Variants in VGLL1 observed in about 807,000 individuals in gnomAD.
VGLL1 encodes the protein vestigial like family member 1, also known as transcription cofactor vestigial-like protein 1.
A neutral mutation model predicts 12.0 loss-of-function variants in VGLL1; 4 were observed. The ratio of observed to expected loss-of-function variants is 0.33; its 90% CI spans 0.16 to 0.76. The LOEUF (loss-of-function observed/expected upper bound fraction) is 0.76, where lower values mean the gene tolerates loss of function less well. Among genes scored for constraint, VGLL1 ranks in the 30% least tolerant of loss-of-function variants. The probability of loss-of-function intolerance (pLI) is 0.60; values close to 1 mark genes in which losing one functional copy is unlikely to be tolerated. For synonymous variants in VGLL1, 87 were observed against 81.2 expected (o/e 1.07, Z -0.39); for missense variants, 204 against 208.7 (o/e 0.98, Z 0.14).
intron 2 of VGLL1, among the ~76,000 whole-genome samples, chrX:136,539,155 G>C (rs2075848896): frequency 9.0e-6 from 1 of 111,704 alleles, no homozygotes; most frequent in Non-Finnish European, 1.9e-5. Context: ...GAACACATTG[G>C]CTTGGATTCA....
chrX:136,541,830 G>T (rs924064142), intron 2 of VGLL1, among the ~76,000 whole-genome samples: 4 of 112,474 alleles, frequency 3.6e-5, no homozygotes, highest in African/African-American at 1.3e-4. Flanking sequence ...TCCCCAATCA[G>T]TGTTGTGTTT....
chrX:136,552,621 T>A (rs1237872216), intron 4 of VGLL1, among the ~76,000 whole-genome samples: 1 of 112,130 alleles, frequency 8.9e-6, no homozygotes, highest in Admixed American at 9.4e-5. Flanking sequence ...TGTGAATATG[T>A]CCTAGGTGCT....
intron 2 of VGLL1, among the ~76,000 whole-genome samples, chrX:136,537,140 C>G (rs2075842003): frequency 8.9e-6 from 1 of 111,791 alleles, no homozygotes; most frequent in African/African-American, 3.3e-5. Flanking sequence ...GAGGCCAAGG[C>G]AAGAGGATCA....
chrX:136,535,842 A>G (rs1423509653), intron 1 of VGLL1, among the ~76,000 whole-genome samples, 154 bp from the exon 2 acceptor site: 2 of 111,212 alleles, frequency 1.8e-5, no homozygotes, highest in Non-Finnish European at 3.8e-5. Context: ...CAGCATCGTC[A>G]TTGACCTTTA....
intron 4 of VGLL1, chrX:136,551,026 C>A: frequency 2.9e-6 from 1 of 344,025 alleles, no homozygotes. Flanking sequence ...ATATGCACTT[C>A]CTATCTTGTA....
intron 2 of VGLL1, among the ~76,000 whole-genome samples, chrX:136,546,343 C>T (rs1016046994): frequency 9.0e-6 from 1 of 111,643 alleles, no homozygotes; most frequent in African/African-American, 3.3e-5. Context: ...GAGAGGCCCA[C>T]TCAAATCCAG....
At chrX:136,551,066 C>T in intron 4 of VGLL1, 1 of 311,640 alleles carries the variant, frequency 3.2e-6, no homozygotes, top group Non-Finnish European at 5.6e-6. Context: ...AAGAAACTCT[C>T]CTTAGTTTCT....
rs1378670308 is a variant in VGLL1, at chrX:136,532,269, G to T, written c.-53G>T. 1 of 112,015 alleles carries T rather than the reference G, an allele frequency of 8.9e-6. No homozygotes were observed. Among genetic ancestry groups the T allele is most frequent in the Non-Finnish European group, 1.9e-5 (1 of 53,212 alleles). 9.2% of individuals were successfully genotyped at this position (112,015 alleles called of 1,213,427 possible). On this transcript the variant is annotated 5_prime_UTR_variant, in exon 1 of 5. Transcript: ENST00000370634. Reference sequence around the variant, plus strand: ...CTCTGGCCATCTTTTCCCAGCCACAGAATCAGGTGATGGTCCAGAATTAAG... The same window carrying T: ...CTCTGGCCATCTTTTCCCAGCCACATAATCAGGTGATGGTCCAGAATTAAG...
At chrX:136,553,360 G>C (rs2075892243) in intron 4 of VGLL1, among the ~76,000 whole-genome samples, 1 of 100,739 alleles carries the variant, frequency 9.9e-6, no homozygotes, top group African/African-American at 3.7e-5. Flanking sequence ...GCCCAGGCTG[G>C]AGTGCAATGG....
At chrX:136,540,195 A>C (rs1173842979) in intron 2 of VGLL1, among the ~76,000 whole-genome samples, 1 of 110,510 alleles carries the variant, frequency 9.0e-6, no homozygotes, top group Non-Finnish European at 1.9e-5. Context: ...ACACACTAGC[A>C]CTCTTTTGTT....
At position 136,556,476 on chromosome X, in the gene VGLL1, G is replaced by A; in HGVS notation, c.714G>A (p.Gly238=). ...CTCTTTCAGAGTTAGAGACACCTGG[G>A]AAATACTCACTTACACCACCAAACC... ...NETLSELETP[G]KYSLTPPNHW... is the part of the protein sequence containing the mutation. Residue 238 remains glycine (G), a synonymous_variant, in exon 5 of 5, where the codon GGG becomes GGA. Transcript: ENST00000370634. The A allele has an allele frequency of 8.3e-7, 1 of 1,210,933 alleles. No individual in the cohort carries two copies.
intron 2 of VGLL1, among the ~76,000 whole-genome samples, 164 bp from the exon 3 acceptor site, chrX:136,548,425 G>A (rs888525299): frequency 5.1e-4 from 57 of 111,140 alleles, no homozygotes; most frequent in Admixed American, 2.7e-3. Context: ...GTACACCTAC[G>A]GAGGACAATG....
At position 136,556,446 on chromosome X, in the gene VGLL1, T is replaced by C. The variant is rs769168051; in HGVS notation, c.689-5T>C. 24 of 1,208,233 alleles carry C rather than the reference T, an allele frequency of 2.0e-5. No homozygotes were observed. In the South Asian group the frequency reaches 4.1e-4, roughly 20 times the overall value. The stretch of plus-strand genomic sequence containing the variant: ...CTTTCATTAACCATGTAACTTCTCC[T>C]TTAGCTCTTTCAGAGTTAGAGACAC... On this transcript the variant is annotated splice_polypyrimidine_tract_variant and splice_region_variant and intron_variant, in intron 4 of 4. Transcript: ENST00000370634.
At chrX:136,534,714 T>C (rs952109147) in intron 1 of VGLL1, among the ~76,000 whole-genome samples, 2 of 112,147 alleles carry the variant, frequency 1.8e-5, no homozygotes, top group African/African-American at 3.2e-5. Flanking sequence ...TGTTTAACTT[T>C]ATAAGAAATT....
In VGLL1 at chrX:136,550,818, G is replaced by C; in HGVS notation, c.685G>C (p.Glu229Gln). The stretch of plus-strand genomic sequence containing the variant: ...ATCTGCCAGTACCAGCCTTCCAAAT[G>C]AAAGTAGGTATCTGGGCCAGCCTTT... ...RGSASTSLPN[E>Q]TLSELETPGK... The change falls in exon 4 of 5, where the codon GAA (glutamate) becomes CAA (glutamine). Residue 229 changes from glutamate (E) to glutamine (Q), a missense_variant. Glu to Gln is a conservative substitution (Grantham distance 29). Transcript: ENST00000370634. 2 of 1,207,057 alleles carry C rather than the reference G, an allele frequency of 1.7e-6. No individual in the cohort carries two copies. Among genetic ancestry groups the C allele is most frequent in the Non-Finnish European group, 1.1e-6 (1 of 891,893 alleles).
At chrX:136,549,875 C>A (rs1449054110) in intron 3 of VGLL1, among the ~76,000 whole-genome samples, 1 of 111,644 alleles carries the variant, frequency 9.0e-6, no homozygotes, top group Non-Finnish European at 1.9e-5. Context: ...ACCAAGTCTG[C>A]ATCCTCTGCC....
intron 1 of VGLL1, among the ~76,000 whole-genome samples, chrX:136,532,656 TCTTTCTTTTTCTTTC>T (rs2075828524): frequency 1.0e-5 from 1 of 97,566 alleles, no homozygotes; most frequent in African/African-American, 3.8e-5. Flanking sequence ...TTTCTTTCTT[TCTTTCTTTTTCTTTC>T]TTTCTTCTTT....
chrX:136,555,957 C>G (rs756968032), intron 4 of VGLL1, among the ~76,000 whole-genome samples: 20 of 110,459 alleles, frequency 1.8e-4, no homozygotes, highest in Non-Finnish European at 3.6e-4. Flanking sequence ...AATGGGGACG[C>G]TTATCTAGGG....
Position 136,548,604 on chromosome X carries a change from C to T in VGLL1, c.230C>T (p.Pro77Leu). The change falls in exon 3 of 5, where the codon CCA (proline) becomes CTA (leucine). Residue 77 changes from proline to leucine, a missense_variant. Pro to Leu is a moderately conservative substitution (Grantham distance 98). Transcript: ENST00000370634. The part of the protein sequence containing the change: ...VMLKNDDSMS[P>L]NQWRYSSPWT... ...TCCTTCTCAGATGATAGCATGTCTC[C>T]AAATCAGTGGCGTTACTCGTCTCCA... 8.3e-7 allele frequency: 1 copy of T among 1,211,049 alleles called. No individual in the cohort carries two copies. Among genetic ancestry groups the T allele is most frequent in the African/African-American group, 1.7e-5 (1 of 57,795 alleles).
Sources: allele counts gnomAD v4.1 joint callset (sites outside exome capture counted in the v4.1 genomes callset), GRCh38; gene constraint gnomAD v4.1.1; transcripts MANE v1.5; gene names NCBI Gene and HGNC (gene_info 2026-07-23, HGNC 2026-07-21).